The following HP1BP3 variants were observed in gnomAD, a reference collection of about 807,000 sequenced individuals.
The protein encoded by HP1BP3 is heterochromatin protein 1 binding protein 3, also known as heterochromatin protein 1-binding protein 3.
A neutral mutation model predicts 62.5 loss-of-function variants in HP1BP3; 12 were observed. The ratio of observed to expected loss-of-function variants is 0.19; its 90% CI spans 0.12 to 0.31. The LOEUF is 0.31. Ranked by LOEUF, HP1BP3 falls within the 10% of genes least tolerant of loss-of-function variation. The probability of loss-of-function intolerance (pLI) is 1.00; values close to 1 mark genes in which losing one functional copy is unlikely to be tolerated. For synonymous variants in HP1BP3, 260 were observed against 237.8 expected, an observed-to-expected ratio of 1.09 and a Z score of -0.86; for missense variants, 502 against 651.8, an observed-to-expected ratio of 0.77 and a Z score of 2.50.
rs921167926 is a variant in HP1BP3 at position 20,743,122 on chromosome 1, C to T, written c.*1675G>A. 7.0e-6 allele frequency: 1 copy of T among 142,904 alleles called. No homozygotes were observed. Among genetic ancestry groups the T allele is most frequent in the Non-Finnish European group, 1.5e-5 (1 of 65,138 alleles). The allele number at this position is 142,904 out of a possible 1,614,324, so 8.9% of individuals were successfully genotyped here. A position where few individuals can be genotyped will look rare whatever the true frequency, so the allele number is the denominator to read the frequency against. Reference sequence around the variant, plus strand: ...GGGCTTCATTTACTTTTTTCCTTTTCTTTTTTTTTTTAATATCTCAAAAAG... The same window carrying T: ...GGGCTTCATTTACTTTTTTCCTTTTTTTTTTTTTTTTAATATCTCAAAAAG... On this transcript the variant is annotated 3_prime_UTR_variant, in exon 13 of 13. Transcript: ENST00000438032.
Position 20,779,906 on chromosome 1 carries a change from T to C in HP1BP3, c.102A>G (p.Val34=), listed in dbSNP as rs568407674. Residue 34 remains valine, a synonymous_variant, in exon 3 of 13, where the codon GTA becomes GTG. Coordinates refer to ENST00000438032, the MANE Select transcript of HP1BP3 (RefSeq NM_001372052.1). The part of the protein sequence containing the change: ...LIHADKLGEK[V]EDSTMPIRRT... ...GACGAATCGGCATGGTGCTATCTTC[T>C]ACCTTCTAAGAAAAGAGATGGCCAT... The C allele has an allele frequency of 5.6e-6, 9 of 1,609,464 alleles. No individual in the cohort carries two copies. Among genetic ancestry groups the C allele is most frequent in the Admixed American group, 5.1e-5 (3 of 59,162 alleles).
At chr1:20,760,374 T>G (rs1011564815) in intron 8 of HP1BP3, among the ~76,000 whole-genome samples, 1 of 151,968 alleles carries the variant, frequency 6.6e-6, no homozygotes, top group African/African-American at 2.4e-5. Context: ...TCTGTCTCTA[T>G]TAACAATTTA....
At chr1:20,761,295 C>CCTCAGA (rs2056461030) in intron 8 of HP1BP3, among the ~76,000 whole-genome samples, 1 of 152,138 alleles carries the variant, frequency 6.6e-6, no homozygotes, top group Non-Finnish European at 1.5e-5. Flanking sequence ...GATCCACCTG[C>CCTCAGA]CTCCCAAAGT....
chr1:20,754,073 C>G (rs537738780), intron 9 of HP1BP3, among the ~76,000 whole-genome samples: 1 of 152,246 alleles, frequency 6.6e-6, no homozygotes, highest in African/African-American at 2.4e-5. Flanking sequence ...GTAAAATGCT[C>G]TTTATTTGCA....
chr1:20,755,644 G>A (rs1331857874), intron 9 of HP1BP3, among the ~76,000 whole-genome samples: 1 of 152,002 alleles, frequency 6.6e-6, no homozygotes, highest in East Asian at 1.9e-4. Flanking sequence ...TTACCATATG[G>A]CCCAGCAAGT....
At position 20,785,395 on chromosome 1, in the gene HP1BP3, C is replaced by T. The variant is rs187200592; in HGVS notation, c.-101+1800G>A. Among the ~76,000 whole-genome samples the T allele has an allele frequency of 4.8e-4, 73 of 152,300 alleles. No homozygotes were observed. In the East Asian group the frequency reaches 0.012, roughly 26 times the overall value. ...TTTTAGGGAAAGCACTATAATTTCA[C>T]ATTTTACCATAAAATATATGTAATA... On this transcript the variant is annotated intron_variant, in intron 1 of 12. Transcript: ENST00000438032.
chr1:20,750,817 T>C (rs2055691957), intron 9 of HP1BP3, among the ~76,000 whole-genome samples: 1 of 19,302 alleles, frequency 5.2e-5, no homozygotes, highest in Non-Finnish European at 1.0e-4. Flanking sequence ...ATTTTCTCTC[T>C]TTTTTTTTTT....
At chr1:20,746,742 A>G (rs1269881248) in intron 11 of HP1BP3, among the ~76,000 whole-genome samples, 3 of 152,212 alleles carry the variant, frequency 2.0e-5, no homozygotes, top group Non-Finnish European at 1.5e-5. Flanking sequence ...GTATTGGACA[A>G]TTAAAACTTA....
At chr1:20,753,823 A>G (rs1195711738) in intron 9 of HP1BP3, among the ~76,000 whole-genome samples, 4 of 152,238 alleles carry the variant, frequency 2.6e-5, no homozygotes, top group African/African-American at 9.6e-5. Flanking sequence ...ATAGCCATTC[A>G]TGATAAAAAC....
intron 8 of HP1BP3, among the ~76,000 whole-genome samples, chr1:20,759,292 T>C (rs899946684): frequency 3.9e-5 from 6 of 152,064 alleles, no homozygotes; most frequent in Non-Finnish European, 7.4e-5. Context: ...CCCAGCTACT[T>C]GGGAGGCTGA....
At chr1:20,761,627 G>A (rs2056487911) in intron 8 of HP1BP3, among the ~76,000 whole-genome samples, 1 of 152,132 alleles carries the variant, frequency 6.6e-6, no homozygotes, top group African/African-American at 2.4e-5. Flanking sequence ...TTAGAAGGGA[G>A]GTATGGGCTA....
At chr1:20,773,382 T>C in intron 5 of HP1BP3, 69 bp downstream of exon 5, 1 of 1,375,392 alleles carries the variant, frequency 7.3e-7, no homozygotes, top group East Asian at 2.4e-5. Context: ...GACAGATATA[T>C]GCCATTTTCA....
intron 9 of HP1BP3, among the ~76,000 whole-genome samples, chr1:20,752,737 C>T (rs907395983): frequency 5.3e-5 from 8 of 152,064 alleles, no homozygotes; most frequent in Non-Finnish European, 8.8e-5. Flanking sequence ...AAAAAGAGCA[C>T]GAATTCACTT....
At position 20,745,577 on chromosome 1, in the gene HP1BP3, C is replaced by T; in HGVS notation, c.1333G>A (p.Asp445Asn). The T allele has an allele frequency of 3.7e-6, 6 of 1,613,936 alleles. No individual in the cohort carries two copies. Among genetic ancestry groups the T allele is most frequent in the Non-Finnish European group, 4.2e-6 (5 of 1,179,790 alleles). The change falls in exon 12 of 13, where the codon GAC becomes AAC. Residue 445 changes from aspartate to asparagine, a missense_variant. Physicochemically the swap from Asp to Asn is conservative, Grantham distance 23. This residue lies in a region of HP1BP3 where 194 missense variants were observed against 207.0 expected (regional missense o/e 0.94). Coordinates refer to ENST00000438032, the MANE Select transcript of HP1BP3 (RefSeq NM_001372052.1). ...GGTGGCGGCTCTTCATCCTCAGAGTCTTCTTCTGATGACTCATCTTCATCT... is the reference window on the plus strand; with the variant it reads ...GGTGGCGGCTCTTCATCCTCAGAGTTTTCTTCTGATGACTCATCTTCATCT... ...DEDEDESSEEDSEDEEPPPKR... is the reference protein window; with the variant it reads ...DEDEDESSEENSEDEEPPPKR...
rs1445135752 is a variant in HP1BP3 at position 20,741,319 on chromosome 1, G to C, written c.*3478C>G. Among the ~76,000 whole-genome samples the C allele has an allele frequency of 6.6e-6, 1 of 152,226 alleles. No individual in the cohort carries two copies. The highest frequency in any genetic ancestry group is 1.5e-5 in the Non-Finnish European group (1 of 68,042). On this transcript the variant is annotated 3_prime_UTR_variant, in exon 13 of 13. Transcript: ENST00000438032. ...ATGGCAAGAGGGTCACAGCCTGAGAGAGAATAATTTCACAGGCTCTTTAAA... is the reference window on the plus strand; with the variant it reads ...ATGGCAAGAGGGTCACAGCCTGAGACAGAATAATTTCACAGGCTCTTTAAA...
At position 20,780,359 on chromosome 1, in the gene HP1BP3, C is replaced by T; in HGVS notation, c.82G>A (p.Asp28Asn). 1 of 1,613,166 alleles carries T rather than the reference C, an allele frequency of 6.2e-7. No homozygotes were observed. Reference sequence around the variant, plus strand: ...TCAGCCCCTACCTCACCTAACTTGTCCGCGTGGATCAGCTGAGCTCCTACT... The same window carrying T: ...TCAGCCCCTACCTCACCTAACTTGTTCGCGTGGATCAGCTGAGCTCCTACT... ...LIVGAQLIHA[D>N]KLGEKVEDST... Residue 28 changes from aspartate to asparagine, a missense_variant, in exon 2 of 13, where the codon GAC (aspartate) becomes AAC (asparagine). Coordinates refer to ENST00000438032, the MANE Select transcript of HP1BP3 (RefSeq NM_001372052.1).
chr1:20,751,231 G>C (rs775006189), intron 9 of HP1BP3, among the ~76,000 whole-genome samples: 16 of 151,552 alleles, frequency 1.1e-4, no homozygotes, highest in Non-Finnish European at 1.8e-4. Flanking sequence ...TTAACTGTTT[G>C]TAAGGCTTCC....
At chr1:20,767,224 G>A (rs968721873) in intron 7 of HP1BP3, among the ~76,000 whole-genome samples, 3 of 152,172 alleles carry the variant, frequency 2.0e-5, no homozygotes, top group African/African-American at 7.2e-5. Flanking sequence ...GCTGAGGCAG[G>A]AGAATTGCTT....
intron 1 of HP1BP3, among the ~76,000 whole-genome samples, chr1:20,783,111 C>CAAT (rs139292183): frequency 1.1e-3 from 162 of 150,058 alleles, no homozygotes; most frequent in East Asian, 4.7e-3. Context: ...GACCTTGGCT[C>CAAT]AATAATAATA....
Sources: gnomAD v4.1 joint callset for allele counts (sites outside exome capture counted in the v4.1 genomes callset) on GRCh38, gnomAD v4.1.1 for gene constraint, gnomAD v4.1.1 regional missense constraint, MANE v1.5 for transcripts, NCBI Gene and HGNC (gene_info 2026-07-23, HGNC 2026-07-21) for gene names.